SPECC1L: variants seen among roughly 807,000 people sequenced by gnomAD.
SPECC1L encodes the protein sperm antigen with calponin homology and coiled-coil domains 1 like, also known as cytospin-A.
A neutral mutation model predicts 116.8 loss-of-function variants in SPECC1L; 40 were observed. That is an observed-to-expected ratio of 0.34 (90% CI 0.27 to 0.45). SPECC1L has a LOEUF of 0.45. Among genes scored for constraint, SPECC1L ranks in the 20% least tolerant of loss-of-function variants. The pLI is 1.00. For missense variants in SPECC1L, 1,110 were observed against 1,373.6 expected, an observed-to-expected ratio of 0.81 and a Z score of 3.03; for synonymous variants, 504 against 500.6, an observed-to-expected ratio of 1.01 and a Z score of -0.09.
intron 2 of SPECC1L, among the ~76,000 whole-genome samples, chr22:24,288,478 G>C (rs2049089186): frequency 6.6e-6 from 1 of 151,670 alleles, no homozygotes; most frequent in Admixed American, 6.6e-5. Context: ...GAACTTCTTA[G>C]CATTTTTTAT....
At chr22:24,326,621 A>G (rs1225837140) in intron 6 of SPECC1L, among the ~76,000 whole-genome samples, 1 of 152,242 alleles carries the variant, frequency 6.6e-6, no homozygotes, top group Non-Finnish European at 1.5e-5. Flanking sequence ...ACACAAGACT[A>G]GCCTTTCTGT....
intron 14 of SPECC1L, among the ~76,000 whole-genome samples, chr22:24,407,281 G>C (rs180738994): frequency 1.3e-5 from 2 of 152,242 alleles, no homozygotes; most frequent in African/African-American, 4.8e-5. Context: ...TTTTCTTCCC[G>C]GTTCAGGTCA....
intron 2 of SPECC1L, among the ~76,000 whole-genome samples, chr22:24,293,805 G>GCCAT (rs1235251788): frequency 1.3e-4 from 16 of 124,052 alleles, no homozygotes; most frequent in Admixed American, 6.2e-4. Context: ...TTAGGGAATC[G>GCCAT]CCATGGTGGT....
At chr22:24,313,193 CAGAT>C (rs1475105087) in intron 3 of SPECC1L, 116 bp from the exon 4 acceptor site, 2 of 972,452 alleles carry the variant, frequency 2.1e-6, no homozygotes, top group Non-Finnish European at 1.6e-6. Flanking sequence ...TACTACCTGT[CAGAT>C]AGTTTTGGTA....
intron 8 of SPECC1L, among the ~76,000 whole-genome samples, chr22:24,330,680 T>C (rs1026506590): frequency 3.3e-5 from 5 of 152,186 alleles, no homozygotes; most frequent in African/African-American, 1.2e-4. Flanking sequence ...GTCTCTCACA[T>C]GATTCTCCTT....
intron 14 of SPECC1L, among the ~76,000 whole-genome samples, chr22:24,378,431 G>A (rs1175779801): frequency 1.3e-5 from 2 of 152,186 alleles, no homozygotes; most frequent in African/African-American, 4.8e-5. Context: ...ATATTCAGTG[G>A]TATAGCACTT....
intron 4 of SPECC1L, among the ~76,000 whole-genome samples, chr22:24,320,200 T>A (rs2040693003): frequency 6.6e-6 from 1 of 152,148 alleles, no homozygotes; most frequent in South Asian, 2.1e-4. Flanking sequence ...CGCTTGAACC[T>A]GGGAGTCAGA....
chr22:24,400,504 T>G (rs1245693855), intron 14 of SPECC1L, among the ~76,000 whole-genome samples: 1 of 152,234 alleles, frequency 6.6e-6, no homozygotes, highest in African/African-American at 2.4e-5. Flanking sequence ...ACCTTTTGGC[T>G]TTTTTGAATA....
intron 3 of SPECC1L, chr22:24,304,411 G>C (rs1171691542): frequency 6.6e-6 from 1 of 152,228 alleles, no homozygotes; most frequent in Non-Finnish European, 1.5e-5. Flanking sequence ...CTTCACTGCT[G>C]GTTGGAGCTT....
chr22:24,414,448 A>AAGAGCCCATGTTGCTATGGC, intron 16 of SPECC1L, 86 bp from the exon 17 acceptor site: 1 of 1,102,968 alleles, frequency 9.1e-7, no homozygotes, highest in Non-Finnish European at 1.4e-6. Context: ...ATCCAACTCC[A>AAGAGCCCATGTTGCTATGGC]AGAGCCCATG....
At chr22:24,302,949 G>T (rs1051293608) in intron 3 of SPECC1L, among the ~76,000 whole-genome samples, 12 of 151,310 alleles carry the variant, frequency 7.9e-5, no homozygotes, top group African/African-American at 2.7e-4. Context: ...TGATGATGAT[G>T]ATTATACCAT....
At chr22:24,393,436 C>CTGGAACACACAAGA (rs2042308840) in intron 14 of SPECC1L, among the ~76,000 whole-genome samples, 1 of 152,174 alleles carries the variant, frequency 6.6e-6, no homozygotes, top group African/African-American at 2.4e-5. Context: ...TAAGATTTAG[C>CTGGAACACACAAGA]TTATACCCTG....
chr22:24,396,934 C>T (rs758820966), intron 14 of SPECC1L, among the ~76,000 whole-genome samples: 5 of 152,186 alleles, frequency 3.3e-5, no homozygotes, highest in Non-Finnish European at 5.9e-5. Flanking sequence ...CCACGCAGGG[C>T]GCTCTGCTTG....
chr22:24,355,865 C>G (rs1054061150), intron 11 of SPECC1L, among the ~76,000 whole-genome samples: 12 of 148,740 alleles, frequency 8.1e-5, no homozygotes, highest in African/African-American at 3.0e-4. Context: ...TTTACACTAT[C>G]TGGTATACAG....
chr22:24,368,322 C>T (rs2041811731), intron 13 of SPECC1L, among the ~76,000 whole-genome samples: 1 of 152,168 alleles, frequency 6.6e-6, no homozygotes, highest in South Asian at 2.1e-4. Context: ...TGCACATTGC[C>T]TGGCACGATG....
intron 15 of SPECC1L, among the ~76,000 whole-genome samples, chr22:24,411,914 C>G (rs1173448427): frequency 6.6e-6 from 1 of 152,254 alleles, no homozygotes; most frequent in African/African-American, 2.4e-5. Context: ...TTCAGAATTC[C>G]CCAAGTGATA....
intron 1 of SPECC1L, among the ~76,000 whole-genome samples, chr22:24,273,835 C>A (rs184166387): frequency 2.0e-5 from 3 of 152,164 alleles, no homozygotes; most frequent in African/African-American, 4.8e-5. Context: ...CTCCGCTCAC[C>A]GCAACCTACG....
chr22:24,388,434 C>T (rs1185455505), intron 14 of SPECC1L, among the ~76,000 whole-genome samples: 1 of 151,638 alleles, frequency 6.6e-6, no homozygotes, highest in Non-Finnish European at 1.5e-5. Flanking sequence ...TTTATGGCTG[C>T]ATAGTATTCC....
chr22:24,333,436 G>C (rs1423837273), intron 8 of SPECC1L, among the ~76,000 whole-genome samples: 1 of 152,056 alleles, frequency 6.6e-6, no homozygotes, highest in Non-Finnish European at 1.5e-5. Flanking sequence ...AAATAATTCT[G>C]TGTTAGTCAG....
Sources: gnomAD v4.1 joint callset for allele counts (sites outside exome capture counted in the v4.1 genomes callset) on GRCh38, gnomAD v4.1.1 for gene constraint, MANE v1.5 for transcripts, NCBI Gene and HGNC (gene_info 2026-07-23, HGNC 2026-07-21) for gene names.